The following PCNT variants were observed in gnomAD, a reference collection of about 807,000 sequenced individuals.
PCNT encodes pericentrin.
PCNT carries 319 observed loss-of-function variants against 380.4 expected under a neutral mutation model. That is an observed-to-expected ratio of 0.84 (90% confidence interval 0.77 to 0.92). PCNT has a LOEUF of 0.92. Among genes scored for constraint, PCNT ranks in the 40% least tolerant of loss-of-function variants. The pLI is 0.00. For synonymous variants in PCNT, 1,845 were observed against 1,735.2 expected, an observed-to-expected ratio of 1.06 and a Z score of -1.57; for missense variants, 4,400 against 4,255.3, an observed-to-expected ratio of 1.03 and a Z score of -0.95.
At chr21:46,346,670 A>G (rs577643885) in intron 4 of PCNT, 73 bp from the exon 5 acceptor site, 27 of 1,515,222 alleles carry the variant, frequency 1.8e-5, no homozygotes, top group East Asian at 2.4e-5. Flanking sequence ...ATTCTCATTC[A>G]TGCTTCTGTG....
rs545250489 is a variant in PCNT, at chr21:46,380,122, T to A, written c.3166-1572T>A. On this transcript the variant is annotated intron_variant, in intron 15 of 46. Transcript: ENST00000359568. ...CTATTAAACACTTGACACTGACTGTTTCCAACCGGTGCCCTGGGGTAGATT... is the reference window on the plus strand; with the variant it reads ...CTATTAAACACTTGACACTGACTGTATCCAACCGGTGCCCTGGGGTAGATT... Among the ~76,000 whole-genome samples, 389 of 151,256 alleles carry A rather than the reference T, an allele frequency of 2.6e-3. 1 individual carries two copies. Among genetic ancestry groups the A allele is most frequent in the South Asian group, 5.2e-3 (25 of 4,790 alleles).
intron 21 of PCNT, among the ~76,000 whole-genome samples, chr21:46,392,326 T>A (rs2086061623): frequency 6.6e-6 from 1 of 152,118 alleles, no homozygotes; most frequent in African/African-American, 2.4e-5. Flanking sequence ...TTCAAGTGAT[T>A]CTCCTGCCTC....
chr21:46,423,264 C>T (rs2087333491), intron 32 of PCNT, among the ~76,000 whole-genome samples: 1 of 149,434 alleles, frequency 6.7e-6, no homozygotes, highest in South Asian at 2.1e-4. Context: ...AGTCACAGCT[C>T]ACTGCAACCT....
At chr21:46,330,116 G>T (rs911413721) in intron 2 of PCNT, among the ~76,000 whole-genome samples, 1 of 152,074 alleles carries the variant, frequency 6.6e-6, no homozygotes, top group Non-Finnish European at 1.5e-5. Flanking sequence ...TTGGACATCA[G>T]CTTTTTCCCC....
At chr21:46,415,952 AT>A in intron 29 of PCNT, 116 bp from the exon 30 acceptor site, 1 of 893,756 alleles carries the variant, frequency 1.1e-6, no homozygotes, top group South Asian at 1.4e-5. Context: ...TGCAGGGCTC[AT>A]TGTGGAATCA....
Position 46,363,943 on chromosome 21 carries a change from G to T in PCNT, c.2609+9G>T, listed in dbSNP as rs1489326306. The T allele has an allele frequency of 6.2e-7, 1 of 1,602,556 alleles. No homozygotes were observed. The highest frequency in any genetic ancestry group is 2.2e-5 in the East Asian group (1 of 44,892). ...ATGCTGGCCCGGAGCAGGTGGGTTTGCAGTGACGCCATCTGCAGTCCCTGT... is the reference window on the plus strand; with the variant it reads ...ATGCTGGCCCGGAGCAGGTGGGTTTTCAGTGACGCCATCTGCAGTCCCTGT... On this transcript the variant is annotated intron_variant, in intron 14 of 46. Coordinates refer to ENST00000359568, the MANE Select transcript of PCNT (RefSeq NM_006031.6).
intron 27 of PCNT, among the ~76,000 whole-genome samples, chr21:46,408,781 G>A (rs957389243): frequency 1.3e-5 from 2 of 150,186 alleles, no homozygotes; most frequent in South Asian, 2.1e-4. Context: ...GCAGTGCAGC[G>A]GGAACGTGTC....
intron 15 of PCNT, among the ~76,000 whole-genome samples, chr21:46,377,901 T>TC (rs2085381036): frequency 6.6e-6 from 1 of 151,974 alleles, no homozygotes; most frequent in African/African-American, 2.4e-5. Flanking sequence ...TTCTCCCTTC[T>TC]CCCCCATGCC....
intron 21 of PCNT, among the ~76,000 whole-genome samples, chr21:46,394,346 A>G (rs1044322896): frequency 6.6e-6 from 1 of 152,180 alleles, no homozygotes; most frequent in African/African-American, 2.4e-5. Flanking sequence ...CCGCACAGGC[A>G]GTTGTGGGCA....
chr21:46,390,542 C>G, intron 19 of PCNT, 128 bp from the exon 20 acceptor site: 1 of 974,852 alleles, frequency 1.0e-6, no homozygotes, highest in East Asian at 2.4e-5. Flanking sequence ...TCCCGTCACC[C>G]TGGCCTGGCC....
intron 21 of PCNT, among the ~76,000 whole-genome samples, chr21:46,393,219 G>C (rs1188153362): frequency 6.6e-6 from 1 of 152,144 alleles, no homozygotes; most frequent in Non-Finnish European, 1.5e-5. Context: ...AGTCTCTTCA[G>C]GTCCCTTCCT....
At chr21:46,391,898 C>T (rs569775233) in intron 21 of PCNT, among the ~76,000 whole-genome samples, 4 of 152,204 alleles carry the variant, frequency 2.6e-5, no homozygotes, top group East Asian at 3.8e-4. Flanking sequence ...TGGTTCAGCT[C>T]GAGCAAAGGC....
intron 3 of PCNT, 76 bp from the exon 4 acceptor site, chr21:46,346,052 G>T: frequency 2.2e-6 from 3 of 1,378,892 alleles, no homozygotes; most frequent in Non-Finnish European, 3.1e-6. Flanking sequence ...GAGGACGTGC[G>T]TCGTCAGTTC....
At chr21:46,403,657 C>T (rs1215150545) in intron 27 of PCNT, among the ~76,000 whole-genome samples, 1 of 138,276 alleles carries the variant, frequency 7.2e-6, no homozygotes, top group African/African-American at 2.8e-5. Flanking sequence ...GGTGAATGAA[C>T]ACAGCGTGGG....
At position 46,381,704 on chromosome 21, in the gene PCNT, G is replaced by C. The variant is rs200874740; in HGVS notation, c.3176G>C (p.Gly1059Ala). The C allele has an allele frequency of 2.5e-6, 4 of 1,613,812 alleles. No individual in the cohort carries two copies. In the East Asian group the frequency reaches 8.9e-5, roughly 36 times the overall value. Residue 1059 changes from glycine to alanine, a missense_variant, in exon 16 of 47, where the codon GGA becomes GCA. Gly to Ala is a moderately conservative substitution (Grantham distance 60). Transcript: ENST00000359568. ...ELQGVHQGEFGSEKKTALHEK... is the reference protein window; with the variant it reads ...ELQGVHQGEFASEKKTALHEK... ...TATTGATGTGTACAGGGTGAATTTG[G>C]AAGTGAAAAGAAAACTGCTTTGCAT...
intron 10 of PCNT, 25 bp downstream of exon 10, chr21:46,353,351 G>T (rs2084346063): frequency 6.3e-7 from 1 of 1,591,794 alleles, no homozygotes; most frequent in African/African-American, 1.3e-5. Flanking sequence ...TCCAGCCTCA[G>T]TGAGTTTCTG....
At position 46,373,054 on chromosome 21, in the gene PCNT, C is replaced by G. The variant is rs113838571; in HGVS notation, c.3165+5915C>G. On this transcript the variant is annotated intron_variant, in intron 15 of 46. Coordinates refer to ENST00000359568, the MANE Select transcript of PCNT (RefSeq NM_006031.6). ...TTGTTGTTTTGGAGGGAGGATCTTG[C>G]TCTGTCGCCCAGGCCGAAGGTAGTG... Among the ~76,000 whole-genome samples, 66 of 152,336 alleles carry G rather than the reference C, an allele frequency of 4.3e-4. 2 individuals are homozygous for G. Among genetic ancestry groups the G allele is most frequent in the African/African-American group, 1.2e-3 (48 of 41,576 alleles).
chr21:46,445,614 GATCC>G lies in PCNT; in HGVS notation c.*292_*295del. 2.2e-6 allele frequency: 1 copy of G among 454,748 alleles called. No individual in the cohort carries two copies. 28.2% of individuals were successfully genotyped at this position (454,748 alleles called of 1,614,324 possible). A position where few individuals can be genotyped will look rare whatever the true frequency, so the allele number is the denominator to read the frequency against. On this transcript the variant is annotated 3_prime_UTR_variant, in exon 47 of 47. Coordinates refer to ENST00000359568, the MANE Select transcript of PCNT (RefSeq NM_006031.6). ...GTGTGCTGTTGTGTGCCTATCGGCA[GATCC>G]ATCCTTCCTGCCTCCAAGGAGGATA... is the stretch of plus-strand genomic sequence containing the variant.
rs777097047 is a variant in PCNT, at chr21:46,428,405, A to G, written c.7505A>G (p.Gln2502Arg). Reference protein sequence around the residue: ...EKIIREQGDLQEKSLEHLRLP... With the variant: ...EKIIREQGDLREKSLEHLRLP... ...CCATTGTGCCCCCAGGGAGACCTGCAGGAAAAGTCCCTGGAGCATCTTCGC... is the reference window on the plus strand; with the variant it reads ...CCATTGTGCCCCCAGGGAGACCTGCGGGAAAAGTCCCTGGAGCATCTTCGC... The change falls in exon 35 of 47, where the codon CAG (glutamine) becomes CGG (arginine). Residue 2502 changes from glutamine to arginine, a missense_variant. Gln to Arg is a conservative substitution (Grantham distance 43). Transcript: ENST00000359568. The G allele has an allele frequency of 5.6e-6, 9 of 1,612,358 alleles. No homozygotes were observed. Among genetic ancestry groups the G allele is most frequent in the Non-Finnish European group, 7.6e-6 (9 of 1,179,810 alleles).
Sources: allele counts gnomAD v4.1 joint callset (sites outside exome capture counted in the v4.1 genomes callset), GRCh38; gene constraint gnomAD v4.1.1; transcripts MANE v1.5; gene names NCBI Gene and HGNC (gene_info 2026-07-23, HGNC 2026-07-21).